Variants in BIRC6 observed in about 807,000 individuals in gnomAD.
BIRC6 encodes the protein baculoviral IAP repeat containing 6, also known as dual E2 ubiquitin-conjugating enzyme/E3 ubiquitin-protein ligase BIRC6.
In BIRC6, 98 loss-of-function variants were observed where a neutral mutation model predicts 503.3. That is an observed-to-expected ratio of 0.19 (90% CI 0.17 to 0.23). The LOEUF (loss-of-function observed/expected upper bound fraction) is 0.23. BIRC6 is among the 10% of genes least tolerant of loss of function. The probability of loss-of-function intolerance (pLI) is 1.00; values close to 1 mark genes in which losing one functional copy is unlikely to be tolerated. For missense variants in BIRC6, 5,360 were observed against 5,806.0 expected (o/e 0.92, Z 2.50); for synonymous variants, 2,240 against 2,078.7 (o/e 1.08, Z -2.11).
At position 32,585,468 on chromosome 2, in the gene BIRC6, C is replaced by T. The variant is rs537197332; in HGVS notation, c.13356-8447C>T. Among the ~76,000 whole-genome samples, 10 of 152,220 alleles carry T rather than the reference C, an allele frequency of 6.6e-5. 1 individual carries two copies. The East Asian group carries it at 1.9e-3, about 29-fold the overall frequency. On this transcript the variant is annotated intron_variant, in intron 66 of 73. Transcript: ENST00000421745. ...GATCTTGGCTCACTGCAACCTCCGC[C>T]TCCCAGGTTCAAGTGATTCTTCTGC...
Position 32,483,651 on chromosome 2 carries a change from A to C in BIRC6, c.7696+1069A>C, listed in dbSNP as rs1272767748. Among the ~76,000 whole-genome samples the C allele has an allele frequency of 6.6e-5, 10 of 152,250 alleles. 1 individual carries two copies. Reference sequence around the variant, plus strand: ...TCTTTAGTCTCATTCAGTCTGCAGTAGTTCCTCATAGTTGACCTTCATGAC... The same window carrying C: ...TCTTTAGTCTCATTCAGTCTGCAGTCGTTCCTCATAGTTGACCTTCATGAC... On this transcript the variant is annotated intron_variant, in intron 39 of 73. Coordinates refer to ENST00000421745, the MANE Select transcript of BIRC6 (RefSeq NM_016252.4).
chr2:32,569,393 G>A (rs1264554051), intron 65 of BIRC6, among the ~76,000 whole-genome samples: 1 of 152,022 alleles, frequency 6.6e-6, no homozygotes, highest in Non-Finnish European at 1.5e-5. Context: ...TTATTTGACA[G>A]GGTCTTGCTC....
chr2:32,593,604 G>T (rs1315479269), intron 66 of BIRC6, among the ~76,000 whole-genome samples: 1 of 152,026 alleles, frequency 6.6e-6, no homozygotes, highest in Non-Finnish European at 1.5e-5. Flanking sequence ...AATATTTTAG[G>T]TGTAGAAGTG....
At position 32,468,474 on chromosome 2, in the gene BIRC6, C is replaced by A; in HGVS notation, c.5818C>A (p.Gln1940Lys). 1 of 1,593,852 alleles carries A rather than the reference C, an allele frequency of 6.3e-7. No homozygotes were observed. The highest frequency in any genetic ancestry group is 8.6e-7 in the Non-Finnish European group (1 of 1,169,184). Residue 1940 changes from glutamine to lysine, a missense_variant, in exon 29 of 74, where the codon CAA (glutamine) becomes AAA (lysine). Transcript: ENST00000421745. Reference sequence around the variant, plus strand: ...TTGTCATCGTCTGGAAACCCTTTTGCAAAGTATTGATCTTCCTCCTCTAAA... The same window carrying A: ...TTGTCATCGTCTGGAAACCCTTTTGAAAAGTATTGATCTTCCTCCTCTAAA... The part of the protein sequence containing the change: ...LACHRLETLL[Q>K]SIDLPPLNSA...
chr2:32,545,512 T>A (rs1375178476), intron 62 of BIRC6, 131 bp from the exon 63 acceptor site: 3 of 738,776 alleles, frequency 4.1e-6, no homozygotes, highest in Non-Finnish European at 6.9e-6. Context: ...ATTTGTGGTA[T>A]TTGGTTTTCT....
intron 1 of BIRC6, among the ~76,000 whole-genome samples, chr2:32,370,636 G>A (rs1363271539): frequency 6.6e-6 from 1 of 151,850 alleles, no homozygotes; most frequent in Non-Finnish European, 1.5e-5. Context: ...TTTCATTTTT[G>A]GTTAATTATA....
At chr2:32,512,891 C>T in intron 53 of BIRC6, 42 bp from the exon 54 acceptor site, 4 of 1,510,720 alleles carry the variant, frequency 2.6e-6, no homozygotes, top group Non-Finnish European at 3.7e-6. Context: ...ATGCCAATTG[C>T]ACTATATAGT....
chr2:32,525,571 G>T lies in BIRC6; in HGVS notation c.11863G>T (p.Ala3955Ser). The change falls in exon 59 of 74, where the codon GCT becomes TCT. Residue 3955 changes from alanine (A) to serine (S), a missense_variant. By Grantham distance (99) the Ala-to-Ser change is moderately conservative. Coordinates refer to ENST00000421745, the MANE Select transcript of BIRC6 (RefSeq NM_016252.4). ...AATAGGAAGTACTTCAGGAGCAGAGGCTGCCAACAAAATAATTACTGTCCC... is the reference window on the plus strand; with the variant it reads ...AATAGGAAGTACTTCAGGAGCAGAGTCTGCCAACAAAATAATTACTGTCCC... ...DKIGSTSGAE[A>S]ANKIITVPVF... 1.2e-6 allele frequency: 2 copies of T among 1,613,936 alleles called. No individual in the cohort carries two copies. Among genetic ancestry groups the T allele is most frequent in the Non-Finnish European group, 1.7e-6 (2 of 1,179,864 alleles).
chr2:32,544,418 A>G (rs1207355544), intron 62 of BIRC6, among the ~76,000 whole-genome samples: 2 of 151,574 alleles, frequency 1.3e-5, no homozygotes, highest in African/African-American at 2.4e-5. Flanking sequence ...AGAAAAACTG[A>G]AGAATTACAG....
At chr2:32,526,260 G>C (rs2056261868) in intron 59 of BIRC6, among the ~76,000 whole-genome samples, 2 of 152,150 alleles carry the variant, frequency 1.3e-5, no homozygotes, top group African/African-American at 4.8e-5. Flanking sequence ...TTTTGAGCAT[G>C]CCCGATTCCT....
intron 60 of BIRC6, among the ~76,000 whole-genome samples, chr2:32,530,945 T>C (rs1321089179): frequency 6.6e-6 from 1 of 152,226 alleles, no homozygotes; most frequent in Non-Finnish European, 1.5e-5. Context: ...TAGGATACTT[T>C]AGAGCATATT....
intron 45 of BIRC6, among the ~76,000 whole-genome samples, chr2:32,498,415 A>G (rs187007806): frequency 8.2e-4 from 125 of 152,300 alleles, no homozygotes; most frequent in Admixed American, 1.4e-3. Context: ...ATTTAATCAC[A>G]TTCCACTTTA....
In BIRC6 at chr2:32,470,137, T is replaced by C. The variant is rs940156686; in HGVS notation, c.6348-31T>C. ...AATTGAACAATCGAATTGATTCTTA[T>C]TCTTTTCTTTTTTGTTTGTTTTGTT... On this transcript the variant is annotated intron_variant, in intron 30 of 73. Transcript: ENST00000421745. The C allele has an allele frequency of 3.5e-6, 5 of 1,430,544 alleles. No individual in the cohort carries two copies. The African/African-American group carries it at 4.4e-5, about 13-fold the overall frequency. The allele number at this position is 1,430,544 out of a possible 1,614,324, so 88.6% of individuals were successfully genotyped here. A position where few individuals can be genotyped will look rare whatever the true frequency, so the allele number is the denominator to read the frequency against.
rs1441457573 is a variant in BIRC6, at chr2:32,618,655, T to C, written c.*751T>C. ...TAAGTATTTGAAAAGGAATGGTCAA[T>C]TTGAAAGTCATTCTAAACTGATTTT... On this transcript the variant is annotated 3_prime_UTR_variant, in exon 74 of 74. Transcript: ENST00000421745. 6.6e-6 allele frequency: 1 copy of C among 152,648 alleles called. No individual in the cohort carries two copies. Among genetic ancestry groups the C allele is most frequent in the African/African-American group, 2.4e-5 (1 of 41,458 alleles). 9.5% of individuals were successfully genotyped at this position (152,648 alleles called of 1,614,324 possible). A position where few individuals can be genotyped will look rare whatever the true frequency, so the allele number is the denominator to read the frequency against.
At chr2:32,607,392 G>A in intron 71 of BIRC6, 63 bp from the exon 72 acceptor site, 1 of 1,154,650 alleles carries the variant, frequency 8.7e-7, no homozygotes, top group South Asian at 2.4e-5. Context: ...GGATAAAGCA[G>A]GATATCAGTT....
intron 63 of BIRC6, among the ~76,000 whole-genome samples, chr2:32,547,594 C>T (rs894766008): frequency 6.6e-6 from 1 of 152,142 alleles, no homozygotes; most frequent in Non-Finnish European, 1.5e-5. Context: ...CATCGGTTGG[C>T]ATCTAGGCTA....
chr2:32,378,929 A>G lies in BIRC6; in HGVS notation c.507+1160A>G, dbSNP rs147959213. On this transcript the variant is annotated intron_variant, in intron 2 of 73. Coordinates refer to ENST00000421745, the MANE Select transcript of BIRC6 (RefSeq NM_016252.4). Reference sequence around the variant, plus strand: ...CCTGCAGTTTGAAAGTACATTTTTCATAATTACTGGATTTTGCATCACCTT... The same window carrying G: ...CCTGCAGTTTGAAAGTACATTTTTCGTAATTACTGGATTTTGCATCACCTT... The G allele has an allele frequency of 4.1e-4, 63 of 152,322 alleles. 1 individual carries two copies. Among genetic ancestry groups the G allele is most frequent in the Non-Finnish European group, 8.4e-4 (57 of 68,008 alleles). 9.4% of individuals were successfully genotyped at this position (152,322 alleles called of 1,614,324 possible).
Position 32,357,473 on chromosome 2 carries a change from C to G in BIRC6, c.312C>G (p.Ala104=), listed in dbSNP as rs1461302106. 1 of 1,549,282 alleles carries G rather than the reference C, an allele frequency of 6.5e-7. No homozygotes were observed. The highest frequency in any genetic ancestry group is 8.7e-7 in the Non-Finnish European group (1 of 1,146,776). The change falls in exon 1 of 74, where the codon GCC becomes GCG. Residue 104 remains alanine (A), a synonymous_variant. Transcript: ENST00000421745. This position sits in a 1 kb window ranked among gnomAD's most constrained non-coding sequence, Gnocchi z 4.9. Reference sequence around the variant, plus strand: ...GCACCTCGGGGGCCACACTGCAGGCCTCCGCGCTCAGTGGTGAGTCTTCCG... The same window carrying G: ...GCACCTCGGGGGCCACACTGCAGGCGTCCGCGCTCAGTGGTGAGTCTTCCG... ...IDGTSGATLQ[A]SALSAKPGGQ...
At chr2:32,409,563 G>A (rs1040086682) in intron 9 of BIRC6, among the ~76,000 whole-genome samples, 2 of 152,156 alleles carry the variant, frequency 1.3e-5, no homozygotes, top group East Asian at 3.8e-4. Context: ...ACTGCATAGG[G>A]AAAAGTTTGG....
Sources: allele counts gnomAD v4.1 joint callset (sites outside exome capture counted in the v4.1 genomes callset), GRCh38; gene constraint gnomAD v4.1.1; non-coding constraint Gnocchi (gnomAD v3.1); transcripts MANE v1.5; gene names NCBI Gene and HGNC (gene_info 2026-07-23, HGNC 2026-07-21).